SDK1: variants seen among roughly 807,000 people sequenced by gnomAD.
SDK1 encodes sidekick cell adhesion molecule 1.
SDK1 carries 157 observed loss-of-function variants against 245.5 expected under a neutral mutation model. The observed-to-expected ratio is 0.64, with a 90% CI of 0.56 to 0.73. The LOEUF (loss-of-function observed/expected upper bound fraction) is 0.73, where lower values mean the gene tolerates loss of function less well. Among genes scored for constraint, SDK1 ranks in the 30% least tolerant of loss-of-function variants. The probability of loss-of-function intolerance (pLI) is 0.00; values close to 1 mark genes in which losing one functional copy is unlikely to be tolerated. For missense variants in SDK1, 3,583 were observed against 3,002.3 expected, an observed-to-expected ratio of 1.19 and a Z score of -4.52; for synonymous variants, 1,647 against 1,278.5, an observed-to-expected ratio of 1.29 and a Z score of -6.15.
At chr7:4,036,277 G>T (rs1193533673) in intron 17 of SDK1, among the ~76,000 whole-genome samples, 1 of 152,192 alleles carries the variant, frequency 6.6e-6, no homozygotes, top group Admixed American at 6.5e-5. Flanking sequence ...TAAGGGTACA[G>T]TGTTTCTTTA....
chr7:4,228,244 TC>T (rs1296337626), intron 40 of SDK1, among the ~76,000 whole-genome samples: 1 of 152,196 alleles, frequency 6.6e-6, no homozygotes, highest in East Asian at 1.9e-4. Flanking sequence ...TAGTGGTATT[TC>T]TCCAATGGCG....
At chr7:3,639,498 A>G (rs887709283) in intron 3 of SDK1, among the ~76,000 whole-genome samples, 3 of 152,208 alleles carry the variant, frequency 2.0e-5, no homozygotes, top group African/African-American at 7.2e-5. Context: ...CTTTCCAGTG[A>G]CGATTTGTTT....
chr7:3,821,654 G>T, intron 5 of SDK1, 71 bp downstream of exon 5: 2 of 1,517,434 alleles, frequency 1.3e-6, no homozygotes, highest in South Asian at 1.2e-5. Context: ...ACCACTGTCT[G>T]ACAGGACATT....
In SDK1 at chr7:3,481,802, C is replaced by T. The variant is rs988225610; in HGVS notation, c.299-137278C>T. ...CAGGGCATGGCATTATTTGGTTTTA[C>T]TAAACTGTCCTACCTTTTGTGAAAT... On this transcript the variant is annotated intron_variant, in intron 1 of 44. Transcript: ENST00000404826. Among the ~76,000 whole-genome samples, 7 of 152,318 alleles carry T rather than the reference C, an allele frequency of 4.6e-5. No homozygotes were observed. The South Asian group carries it at 1.4e-3, about 32-fold the overall frequency.
At chr7:4,203,430 C>G (rs1159816590) in intron 35 of SDK1, among the ~76,000 whole-genome samples, 1 of 152,160 alleles carries the variant, frequency 6.6e-6, no homozygotes, top group Non-Finnish European at 1.5e-5. Flanking sequence ...CAGCTTTGCA[C>G]CTTTCCCTTT....
chr7:4,110,871 A>G (rs1783295543), intron 23 of SDK1, 99 bp downstream of exon 23: 1 of 793,480 alleles, frequency 1.3e-6, no homozygotes, highest in Non-Finnish European at 2.2e-6. Context: ...ACGTATGCAA[A>G]TCAGATGTTT....
intron 1 of SDK1, among the ~76,000 whole-genome samples, chr7:3,348,948 C>CT (rs1780581563): frequency 6.6e-6 from 1 of 152,148 alleles, no homozygotes; most frequent in South Asian, 2.1e-4. Context: ...TGCCATGTAG[C>CT]TTGTCATGTT....
intron 4 of SDK1, among the ~76,000 whole-genome samples, chr7:3,806,349 G>A (rs1271467943): frequency 8.8e-6 from 1 of 114,282 alleles, no homozygotes; most frequent in East Asian, 2.1e-4. Context: ...TTAGGATGTG[G>A]ATGTCCACAT....
At position 3,681,738 on chromosome 7, in the gene SDK1, A is replaced by G. The variant is rs114156856; in HGVS notation, c.713+39633A>G. Reference sequence around the variant, plus strand: ...TAGGCACATAATAATTACTTGTTGAATGAATACATTGAATCTATGAATGCT... The same window carrying G: ...TAGGCACATAATAATTACTTGTTGAGTGAATACATTGAATCTATGAATGCT... On this transcript the variant is annotated intron_variant, in intron 4 of 44. Transcript: ENST00000404826. Among the ~76,000 whole-genome samples the G allele has an allele frequency of 8.2e-3, 1,242 of 152,290 alleles. 20 individuals carry two copies. The highest frequency in any genetic ancestry group is 0.028 in the African/African-American group (1,169 of 41,556).
chr7:4,079,084 G>C (rs547379580), intron 21 of SDK1, among the ~76,000 whole-genome samples: 1 of 152,162 alleles, frequency 6.6e-6, no homozygotes, highest in Non-Finnish European at 1.5e-5. Context: ...CGGCCCGCTC[G>C]TTCTCTGTGT....
intron 35 of SDK1, among the ~76,000 whole-genome samples, chr7:4,191,658 G>A (rs1397383088): frequency 6.6e-6 from 1 of 152,264 alleles, no homozygotes; most frequent in Non-Finnish European, 1.5e-5. Flanking sequence ...CTCCGCCAGG[G>A]AGAGGGAGGA....
intron 14 of SDK1, among the ~76,000 whole-genome samples, chr7:3,992,847 G>A (rs554789408): frequency 6.6e-6 from 1 of 152,248 alleles, no homozygotes; most frequent in African/African-American, 2.4e-5. Context: ...TGCACTTTGA[G>A]TAATGCAAAT....
At chr7:3,569,726 A>AT (rs1175345982) in intron 1 of SDK1, among the ~76,000 whole-genome samples, 6 of 152,076 alleles carry the variant, frequency 3.9e-5, no homozygotes, top group Non-Finnish European at 8.8e-5. Context: ...ATTGGTATGG[A>AT]TTTTTTTTAA....
intron 14 of SDK1, among the ~76,000 whole-genome samples, chr7:4,010,026 C>T (rs2043425239): frequency 6.6e-6 from 1 of 152,222 alleles, no homozygotes; most frequent in South Asian, 2.1e-4. Context: ...AAGCATGTGC[C>T]ACCTCTTTCT....
intron 4 of SDK1, among the ~76,000 whole-genome samples, chr7:3,744,524 A>G (rs1397743292): frequency 6.6e-6 from 1 of 152,168 alleles, no homozygotes; most frequent in Non-Finnish European, 1.5e-5. Flanking sequence ...AAGAAATAAG[A>G]AGACAGGCCA....
chr7:3,972,039 G>T (rs1044184506), intron 12 of SDK1, among the ~76,000 whole-genome samples: 5 of 151,630 alleles, frequency 3.3e-5, no homozygotes, highest in African/African-American at 1.2e-4. Flanking sequence ...GCACTAATAG[G>T]AAGGTGCATG....
At chr7:3,832,385 C>T (rs1414128071) in intron 5 of SDK1, among the ~76,000 whole-genome samples, 1 of 152,214 alleles carries the variant, frequency 6.6e-6, no homozygotes, top group African/African-American at 2.4e-5. Flanking sequence ...AGCAGTTCAA[C>T]TCCACCTTTA....
intron 1 of SDK1, among the ~76,000 whole-genome samples, chr7:3,543,321 G>T (rs1018428228): frequency 1.3e-5 from 2 of 152,240 alleles, no homozygotes; most frequent in Non-Finnish European, 1.5e-5. Flanking sequence ...CTTAATTTCT[G>T]TTTCATGGAC....
At position 4,129,664 on chromosome 7, in the gene SDK1, G is replaced by A. The variant is rs1328001861; in HGVS notation, c.3940-244G>A. The A allele has an allele frequency of 2.2e-6, 3 of 1,377,018 alleles. No individual in the cohort carries two copies. In the African/African-American group the frequency reaches 4.4e-5, roughly 20 times the overall value. 85.3% of individuals were successfully genotyped at this position (1,377,018 alleles called of 1,614,324 possible). ...CTCAGATCTTGCAGATTATGACCAG[G>A]CAGCAGGCTCGCCAAGCCGTGGGCA... is the stretch of plus-strand genomic sequence containing the variant. On this transcript the variant is annotated intron_variant, in intron 26 of 44. Transcript: ENST00000404826.
Sources: allele counts gnomAD v4.1 joint callset (sites outside exome capture counted in the v4.1 genomes callset), GRCh38; gene constraint gnomAD v4.1.1; transcripts MANE v1.5; gene names NCBI Gene and HGNC (gene_info 2026-07-23, HGNC 2026-07-21).